CDH18: variants seen among roughly 807,000 people sequenced by gnomAD.
CDH18 encodes cadherin-18.
A neutral mutation model predicts 67.9 loss-of-function variants in CDH18; 31 were observed. That is an observed-to-expected ratio of 0.46 (90% CI 0.34 to 0.62). The LOEUF is 0.62. Among genes scored for constraint, CDH18 ranks in the 20% least tolerant of loss-of-function variants. The pLI is 0.01. For synonymous variants in CDH18, 362 were observed against 347.2 expected, an observed-to-expected ratio of 1.04 and a Z score of -0.48; for missense variants, 890 against 975.5, an observed-to-expected ratio of 0.91 and a Z score of 1.17.
chr5:19,800,110 G>A (rs1374760996), intron 3 of CDH18, among the ~76,000 whole-genome samples: 1 of 152,116 alleles, frequency 6.6e-6, no homozygotes, highest in African/African-American at 2.4e-5. Flanking sequence ...TTGATAAAGA[G>A]AGAGAAGGAT....
intron 1 of CDH18, among the ~76,000 whole-genome samples, chr5:20,378,140 A>G (rs1162554108): frequency 6.6e-6 from 1 of 152,156 alleles, no homozygotes; most frequent in African/African-American, 2.4e-5. Context: ...TGCTCTTCTC[A>G]GTTAACGTCA....
intron 1 of CDH18, among the ~76,000 whole-genome samples, chr5:20,417,145 ATT>A (rs1747381044): frequency 6.6e-6 from 1 of 152,086 alleles, no homozygotes; most frequent in Admixed American, 6.6e-5. Context: ...TTAATGAATC[ATT>A]TTTGTTAGAT....
At chr5:20,099,929 G>A (rs906786283) in intron 2 of CDH18, among the ~76,000 whole-genome samples, 13 of 151,908 alleles carry the variant, frequency 8.6e-5, no homozygotes, top group African/African-American at 1.5e-4. Flanking sequence ...GATTATAGCC[G>A]CACACCACCA....
intron 2 of CDH18, among the ~76,000 whole-genome samples, chr5:20,043,561 C>T (rs1402695076): frequency 6.6e-6 from 1 of 152,156 alleles, no homozygotes; most frequent in Admixed American, 6.5e-5. Flanking sequence ...TCATGGTCCT[C>T]TGTTTACAAT....
intron 1 of CDH18, among the ~76,000 whole-genome samples, chr5:20,363,928 G>T (rs976708532): frequency 2.0e-4 from 31 of 152,020 alleles, no homozygotes; most frequent in African/African-American, 7.2e-4. Context: ...TGTCCATTGT[G>T]CAGGTAAGGA....
chr5:20,121,048 T>A (rs1748313127), intron 2 of CDH18, among the ~76,000 whole-genome samples: 1 of 152,118 alleles, frequency 6.6e-6, no homozygotes, highest in South Asian at 2.1e-4. Flanking sequence ...TGAATTAAAA[T>A]CTGAAAATAC....
At chr5:19,771,891 A>G (rs1773774943) in intron 3 of CDH18, among the ~76,000 whole-genome samples, 1 of 152,208 alleles carries the variant, frequency 6.6e-6, no homozygotes, top group Non-Finnish European at 1.5e-5. Flanking sequence ...GGGACAGTTT[A>G]TAAAGTTTTC....
chr5:20,290,327 T>C (rs1747010867), intron 1 of CDH18, among the ~76,000 whole-genome samples: 1 of 152,120 alleles, frequency 6.6e-6, no homozygotes, highest in African/African-American at 2.4e-5. Context: ...GCATGCTTCT[T>C]ATGCAGTAGA....
At chr5:20,239,939 C>T (rs376032931) in intron 2 of CDH18, among the ~76,000 whole-genome samples, 9 of 150,548 alleles carry the variant, frequency 6.0e-5, no homozygotes, top group East Asian at 2.0e-4. Flanking sequence ...TATAGACTTC[C>T]GAAAAGGAAA....
chr5:19,519,338 A>G (rs557016275), intron 10 of CDH18, among the ~76,000 whole-genome samples: 3 of 152,188 alleles, frequency 2.0e-5, no homozygotes, highest in African/African-American at 7.2e-5. Flanking sequence ...TGTCCCTCAT[A>G]CATAAACACA....
chr5:20,504,169 T>C (rs1224638416), intron 1 of CDH18, among the ~76,000 whole-genome samples: 2 of 152,184 alleles, frequency 1.3e-5, no homozygotes, highest in African/African-American at 2.4e-5. Flanking sequence ...GATTATTTTA[T>C]TTAAGATACT....
chr5:19,506,973 C>T lies in CDH18; in HGVS notation c.1513-3864G>A, dbSNP rs572031232. On this transcript the variant is annotated intron_variant, in intron 10 of 12. Transcript: ENST00000382275. ...ACCATCAGAGTGAACAGGCAACCTA[C>T]AGAATGGGAGAAAATTTTTGCAATC... is the stretch of plus-strand genomic sequence containing the variant. Among the ~76,000 whole-genome samples the T allele has an allele frequency of 2.5e-4, 38 of 152,264 alleles. 1 individual carries two copies. The highest frequency in any genetic ancestry group is 2.2e-3 in the Admixed American group (34 of 15,290).
At chr5:19,513,532 C>T (rs1199598158) in intron 10 of CDH18, among the ~76,000 whole-genome samples, 1 of 152,032 alleles carries the variant, frequency 6.6e-6, no homozygotes, top group Non-Finnish European at 1.5e-5. Flanking sequence ...GTGAACTCTT[C>T]AATGTTTTCT....
intron 5 of CDH18, among the ~76,000 whole-genome samples, chr5:19,694,232 G>T (rs548778472): frequency 6.6e-6 from 1 of 152,170 alleles, no homozygotes; most frequent in East Asian, 1.9e-4. Flanking sequence ...TTCTCAAACT[G>T]CTTGTTTCTC....
chr5:19,908,491 A>T (rs1790766176), intron 2 of CDH18, among the ~76,000 whole-genome samples: 1 of 152,160 alleles, frequency 6.6e-6, no homozygotes, highest in Non-Finnish European at 1.5e-5. Context: ...AGAAACATTA[A>T]TATTTTCCAC....
At chr5:19,921,411 G>A (rs965732960) in intron 2 of CDH18, among the ~76,000 whole-genome samples, 1 of 151,602 alleles carries the variant, frequency 6.6e-6, no homozygotes, top group East Asian at 1.9e-4. Context: ...GGCACCTGTA[G>A]TCCCAGCTAC....
intron 2 of CDH18, among the ~76,000 whole-genome samples, chr5:20,218,830 G>A (rs529968192): frequency 6.6e-6 from 1 of 151,946 alleles, no homozygotes; most frequent in African/African-American, 2.4e-5. Flanking sequence ...TTTATTATCA[G>A]GCTTGGACAT....
At chr5:20,384,024 A>C (rs1580873789) in intron 1 of CDH18, among the ~76,000 whole-genome samples, 1 of 152,274 alleles carries the variant, frequency 6.6e-6, no homozygotes, top group South Asian at 2.1e-4. Flanking sequence ...ATCTAACTTA[A>C]ATATTTAGCA....
chr5:20,396,109 C>G (rs1745254619), intron 1 of CDH18, among the ~76,000 whole-genome samples: 3 of 152,172 alleles, frequency 2.0e-5, no homozygotes, highest in Non-Finnish European at 4.4e-5. Context: ...GTTATGGAAA[C>G]TTTAATTCAC....
Sources: allele counts gnomAD v4.1 joint callset (sites outside exome capture counted in the v4.1 genomes callset), GRCh38; gene constraint gnomAD v4.1.1; transcripts MANE v1.5; gene names NCBI Gene and HGNC (gene_info 2026-07-23, HGNC 2026-07-21).